ZPLD1: variants seen among roughly 807,000 people sequenced by gnomAD.
The protein encoded by ZPLD1 is zona pellucida-like domain-containing protein 1.
ZPLD1 carries 34 observed loss-of-function variants against 47.2 expected under a neutral mutation model. The ratio of observed to expected loss-of-function variants is 0.72; its 90% CI spans 0.55 to 0.96. ZPLD1 has a LOEUF of 0.96. Among genes scored for constraint, ZPLD1 ranks in the 40% least tolerant of loss-of-function variants. ZPLD1 has a pLI of 0.00. For missense variants in ZPLD1, 512 were observed against 505.8 expected (o/e 1.01, Z -0.12); for synonymous variants, 176 against 186.2 (o/e 0.95, Z 0.45).
At chr3:102,388,416 T>A (rs187182471) in intron 6 of ZPLD1, among the ~76,000 whole-genome samples, 183 of 150,024 alleles carry the variant, frequency 1.2e-3, no homozygotes, top group Non-Finnish European at 2.3e-3. Flanking sequence ...ATTATTGGAT[T>A]TTCTCTCCTG....
At chr3:102,388,287 A>C (rs1706455714) in intron 6 of ZPLD1, among the ~76,000 whole-genome samples, 1 of 151,386 alleles carries the variant, frequency 6.6e-6, no homozygotes, top group Non-Finnish European at 1.5e-5. Context: ...GAGAGAGTAT[A>C]CTCTCTCTTG....
chr3:102,392,841 G>GT (rs1370758114), intron 7 of ZPLD1, among the ~76,000 whole-genome samples: 1 of 152,196 alleles, frequency 6.6e-6, no homozygotes, highest in African/African-American at 2.4e-5. Context: ...TTTTTATTGG[G>GT]TACCTTCATG....
Position 102,429,774 on chromosome 3 carries a change from A to G in ZPLD1, c.-8-8706A>G, listed in dbSNP as rs376433359. Among the ~76,000 whole-genome samples the G allele has an allele frequency of 1.3e-4, 20 of 152,276 alleles. No individual in the cohort carries two copies. The East Asian group carries it at 2.5e-3, about 19-fold the overall frequency. Reference sequence around the variant, plus strand: ...ACCACCACAACAGATAGATGGATGGATAGATAGATAGATGTACATATGTTT... The same window carrying G: ...ACCACCACAACAGATAGATGGATGGGTAGATAGATAGATGTACATATGTTT... On this transcript the variant is annotated intron_variant, in intron 8 of 17. Coordinates refer to the ZPLD1 transcript ENST00000491959.
At chr3:102,415,660 T>C (rs1327545590) in intron 7 of ZPLD1, among the ~76,000 whole-genome samples, 1 of 151,852 alleles carries the variant, frequency 6.6e-6, no homozygotes, top group African/African-American at 2.4e-5. Flanking sequence ...TACTGAATAA[T>C]ATAAAGGACA....
chr3:102,418,436 A>T (rs1176329929), intron 8 of ZPLD1, among the ~76,000 whole-genome samples: 2 of 152,028 alleles, frequency 1.3e-5, no homozygotes, highest in African/African-American at 4.8e-5. Flanking sequence ...ACTTGGGTGC[A>T]GGAAGATAGA....
chr3:102,456,487 A>G, intron 5 of ZPLD1, 113 bp downstream of exon 5: 2 of 905,550 alleles, frequency 2.2e-6, no homozygotes, highest in South Asian at 3.3e-5. Flanking sequence ...TTAAATTCAA[A>G]CAATGTAATG....
chr3:102,419,468 C>A (rs978257167), intron 8 of ZPLD1, among the ~76,000 whole-genome samples: 2 of 151,830 alleles, frequency 1.3e-5, no homozygotes, highest in African/African-American at 4.8e-5. Flanking sequence ...AACATAGTAA[C>A]AAGATCATGG....
chr3:102,394,333 A>G (rs1054582571), intron 7 of ZPLD1, among the ~76,000 whole-genome samples: 1 of 152,182 alleles, frequency 6.6e-6, no homozygotes. Flanking sequence ...TAATAACATC[A>G]AACACCCACA....
At chr3:102,464,492 A>C (rs1707562951) in intron 8 of ZPLD1, among the ~76,000 whole-genome samples, 1 of 152,176 alleles carries the variant, frequency 6.6e-6, no homozygotes, top group African/African-American at 2.4e-5. Flanking sequence ...TGTCCACCAA[A>C]GATGTTTTAT....
intron 7 of ZPLD1, among the ~76,000 whole-genome samples, chr3:102,405,499 A>G (rs991015595): frequency 1.3e-5 from 2 of 152,020 alleles, no homozygotes; most frequent in Admixed American, 6.6e-5. Context: ...GCTTGAGGTC[A>G]TGTGGTATAA....
chr3:102,420,993 A>G (rs1039555440), intron 8 of ZPLD1, among the ~76,000 whole-genome samples: 9 of 151,926 alleles, frequency 5.9e-5, no homozygotes, highest in African/African-American at 2.2e-4. Flanking sequence ...AAAGTCACCT[A>G]AGGCCAAATG....
At chr3:102,418,870 C>G (rs1323661323) in intron 8 of ZPLD1, among the ~76,000 whole-genome samples, 1 of 151,984 alleles carries the variant, frequency 6.6e-6, no homozygotes, top group East Asian at 1.9e-4. Context: ...GAGAAGTTAT[C>G]TGTGAATAAG....
At chr3:102,466,666 G>A (rs1559760788) in intron 8 of ZPLD1, among the ~76,000 whole-genome samples, 1 of 152,102 alleles carries the variant, frequency 6.6e-6, no homozygotes, top group Admixed American at 6.5e-5. Context: ...AAAAAAATGT[G>A]TGAGAGGAAG....
At position 102,421,038 on chromosome 3, in the gene ZPLD1, T is replaced by G. The variant is rs151307807; in HGVS notation, c.-9+2831T>G. On this transcript the variant is annotated intron_variant, in intron 8 of 17. Transcript: ENST00000491959. ...ATGGCTTTGTTTGTAAAGTTAGGAT[T>G]CTCTATAAAATGAGATTAACTTGAA... 1.3e-3 allele frequency among the ~76,000 whole-genome samples: 191 copies of G among 152,056 alleles called. 1 individual carries two copies. Among genetic ancestry groups the G allele is most frequent in the African/African-American group, 4.3e-3 (179 of 41,570 alleles).
chr3:102,465,816 G>A (rs1300926560), intron 8 of ZPLD1, among the ~76,000 whole-genome samples: 1 of 152,190 alleles, frequency 6.6e-6, no homozygotes, highest in Non-Finnish European at 1.5e-5. Context: ...AAATGCTAGT[G>A]TTGGTGAAAA....
Position 102,466,097 on chromosome 3 carries a change from T to C in ZPLD1, c.761+1846T>C, listed in dbSNP as rs1037384144. ...CCAGGAAAAGTATACCTTCTAAAGG[T>C]AAAGGAATCGCCTGGGAAGGCAGGG... is the stretch of plus-strand genomic sequence containing the variant. On this transcript the variant is annotated intron_variant, in intron 8 of 11. Transcript: ENST00000466937. 2.2e-4 allele frequency among the ~76,000 whole-genome samples: 34 copies of C among 152,086 alleles called. 1 individual carries two copies. Among genetic ancestry groups the C allele is most frequent in the Non-Finnish European group, 1.2e-4 (8 of 68,002 alleles).
Position 102,457,790 on chromosome 3 carries a change from G to A in ZPLD1, c.519G>A (p.Ala173=), listed in dbSNP as rs72942858. 1.6e-3 allele frequency: 2,637 copies of A among 1,613,776 alleles called. 15 individuals are homozygous for A. Among genetic ancestry groups the A allele is most frequent in the African/African-American group, 0.015 (1,151 of 74,978 alleles). The part of the protein sequence containing the change: ...VNNTQLASSS[A]AISVRENNGT... ...TCTAAATGTGTTTTAGGTCCTCAGC[G>A]GCTATTTCTGTGAGAGAGAACAATG... Residue 173 remains alanine (A), a synonymous_variant, in exon 6 of 12, where the codon GCG becomes GCA. Coordinates refer to ENST00000466937, the MANE Select transcript of ZPLD1 (RefSeq NM_001329788.2).
At position 102,443,765 on chromosome 3, in the gene ZPLD1, A is replaced by T. The variant is rs1707215241; in HGVS notation, c.106+5172A>T. Among the ~76,000 whole-genome samples the T allele has an allele frequency of 1.3e-5, 2 of 152,224 alleles. 1 individual carries two copies. The highest frequency in any genetic ancestry group is 4.1e-4 in the South Asian group (2 of 4,836). ...ATTTTATATTAGGCTTTGCTTAACC[A>T]TGGCATTTTTCTGTGCCCAAAGACA... On this transcript the variant is annotated intron_variant, in intron 3 of 11. Coordinates refer to ENST00000466937, the MANE Select transcript of ZPLD1 (RefSeq NM_001329788.2).
At chr3:102,406,587 G>A (rs1706688169) in intron 7 of ZPLD1, among the ~76,000 whole-genome samples, 1 of 151,732 alleles carries the variant, frequency 6.6e-6, no homozygotes, top group African/African-American at 2.4e-5. Context: ...TATCGATTAT[G>A]GTTAACTTCA....
Sources: gnomAD v4.1 joint callset for allele counts (sites outside exome capture counted in the v4.1 genomes callset) on GRCh38, gnomAD v4.1.1 for gene constraint, MANE v1.5 for transcripts, NCBI Gene and HGNC (gene_info 2026-07-23, HGNC 2026-07-21) for gene names.